ADGRL3: variants seen among roughly 807,000 people sequenced by gnomAD.
ADGRL3 encodes the protein adhesion G protein-coupled receptor L3.
In ADGRL3, 62 loss-of-function variants were observed where a neutral mutation model predicts 153.5. The observed-to-expected ratio is 0.40, with a 90% CI of 0.33 to 0.50. The LOEUF is 0.50. Ranked by LOEUF, ADGRL3 falls within the 20% of genes least tolerant of loss-of-function variation. The probability of loss-of-function intolerance (pLI) is 0.47; values close to 1 mark genes in which losing one functional copy is unlikely to be tolerated. For missense variants in ADGRL3, 1,641 were observed against 1,859.4 expected, an observed-to-expected ratio of 0.88 and a Z score of 2.16; for synonymous variants, 710 against 672.5, an observed-to-expected ratio of 1.06 and a Z score of -0.86.
chr4:61,840,510 C>A (rs2098013686), intron 9 of ADGRL3, among the ~76,000 whole-genome samples: 2 of 152,146 alleles, frequency 1.3e-5, no homozygotes. Flanking sequence ...TGAGTCTAAG[C>A]CTGAGAGCAT....
At chr4:61,670,723 T>A (rs189117393) in intron 5 of ADGRL3, among the ~76,000 whole-genome samples, 1 of 151,920 alleles carries the variant, frequency 6.6e-6, no homozygotes. Flanking sequence ...AGAAAAAGAG[T>A]CTTCTGTAGG....
chr4:61,266,102 AT>A (rs962413603), intron 1 of ADGRL3, among the ~76,000 whole-genome samples: 5 of 151,774 alleles, frequency 3.3e-5, no homozygotes, highest in African/African-American at 9.7e-5. Flanking sequence ...TACTGATTAA[AT>A]TTTTTTATAC....
At chr4:61,893,168 T>C (rs1030243566) in intron 10 of ADGRL3, among the ~76,000 whole-genome samples, 2 of 151,992 alleles carry the variant, frequency 1.3e-5, no homozygotes, top group African/African-American at 4.8e-5. Context: ...TTTCTTTTTT[T>C]TCATTACAAC....
intron 1 of ADGRL3, among the ~76,000 whole-genome samples, chr4:61,357,790 T>C (rs1429180463): frequency 6.6e-6 from 1 of 152,020 alleles, no homozygotes; most frequent in African/African-American, 2.4e-5. Context: ...AAACTGAGTA[T>C]CTGAGAAGAT....
At chr4:61,953,078 A>C (rs1045123012) in intron 17 of ADGRL3, among the ~76,000 whole-genome samples, 1 of 152,210 alleles carries the variant, frequency 6.6e-6, no homozygotes, top group Non-Finnish European at 1.5e-5. Context: ...AACAGAAAAC[A>C]AGGAGACTGA....
At chr4:61,525,386 C>G (rs1003143575) in intron 4 of ADGRL3, among the ~76,000 whole-genome samples, 3 of 151,950 alleles carry the variant, frequency 2.0e-5, no homozygotes, top group African/African-American at 7.3e-5. Flanking sequence ...CTAATTTAAC[C>G]AACAACAAGA....
intron 21 of ADGRL3, among the ~76,000 whole-genome samples, chr4:62,010,865 C>A (rs1020770824): frequency 4.6e-5 from 7 of 151,980 alleles, no homozygotes; most frequent in Non-Finnish European, 8.8e-5. Flanking sequence ...CTGTTTTTAA[C>A]TTTTTTATTC....
chr4:61,348,362 A>G (rs2095968167), intron 1 of ADGRL3, among the ~76,000 whole-genome samples: 1 of 152,000 alleles, frequency 6.6e-6, no homozygotes, highest in Non-Finnish European at 1.5e-5. Flanking sequence ...TTAAGAAAAA[A>G]ATCACAGTGT....
At chr4:61,207,727 T>C (rs141651783) in intron 1 of ADGRL3, among the ~76,000 whole-genome samples, 6,280 of 152,244 alleles carry the variant, frequency 0.041, 446 homozygotes, top group African/African-American at 0.14. Context: ...TCTGACTTTT[T>C]AATGATCACC....
Position 61,991,100 on chromosome 4 carries a change from T to A in ADGRL3, c.3237-5191T>A, listed in dbSNP as rs369731054. 3.9e-5 allele frequency among the ~76,000 whole-genome samples: 6 copies of A among 152,020 alleles called. No individual in the cohort carries two copies. In the South Asian group the frequency reaches 1.2e-3, roughly 31 times the overall value. The stretch of plus-strand genomic sequence containing the variant: ...GACATCTATGTCTAGCATAGTTAAG[T>A]ATTTATTAAATTAGACCTCTTATTA... On this transcript the variant is annotated intron_variant, in intron 19 of 26. Transcript: ENST00000683033.
At chr4:61,457,354 G>A (rs1215787766) in intron 2 of ADGRL3, among the ~76,000 whole-genome samples, 1 of 151,860 alleles carries the variant, frequency 6.6e-6, no homozygotes, top group Non-Finnish European at 1.5e-5. Context: ...TTAATGCAAT[G>A]TTATTTTAAT....
Position 61,998,251 on chromosome 4 carries a change from T to C in ADGRL3, c.3381T>C (p.Cys1127=), listed in dbSNP as rs749363474. The part of the protein sequence containing the change: ...HTAILKPESG[C]LDNINYEDNR... ...CTATACTGAAACCTGAATCAGGCTG[T>C]CTTGATAACATCAAGTAAGTGATTT... is the stretch of plus-strand genomic sequence containing the variant. The change falls in exon 21 of 27, where the codon TGT becomes TGC. Residue 1127 remains cysteine, a synonymous_variant. Coordinates refer to ENST00000683033, the MANE Select transcript of ADGRL3 (RefSeq NM_001387552.1). 3.8e-6 allele frequency: 6 copies of C among 1,562,520 alleles called. No individual in the cohort carries two copies. Among genetic ancestry groups the C allele is most frequent in the Non-Finnish European group, 4.3e-6 (5 of 1,151,816 alleles).
At chr4:61,991,282 C>T (rs189072089) in intron 19 of ADGRL3, among the ~76,000 whole-genome samples, 96 of 151,790 alleles carry the variant, frequency 6.3e-4, no homozygotes, top group Admixed American at 1.4e-3. Context: ...TTCAGGGGTA[C>T]GTGTGAAGGT....
intron 23 of ADGRL3, among the ~76,000 whole-genome samples, chr4:62,032,283 T>G (rs1722523854): frequency 6.6e-6 from 1 of 151,390 alleles, no homozygotes; most frequent in South Asian, 2.1e-4. Context: ...TATATATATA[T>G]AAATTTTCAA....
intron 1 of ADGRL3, among the ~76,000 whole-genome samples, chr4:61,372,481 A>G (rs1167017710): frequency 3.3e-5 from 5 of 152,088 alleles, no homozygotes; most frequent in Admixed American, 2.0e-4. Flanking sequence ...CTGTTGGAGT[A>G]CCCTGCAGTG....
chr4:61,403,057 T>TGACAATGA (rs375854788), intron 2 of ADGRL3, among the ~76,000 whole-genome samples: 1 of 151,526 alleles, frequency 6.6e-6, no homozygotes, highest in Non-Finnish European at 1.5e-5. Flanking sequence ...CTTTCCTCTT[T>TGACAATGA]GTGTGCACAC....
chr4:61,253,691 C>CCA (rs143396564), intron 1 of ADGRL3, among the ~76,000 whole-genome samples: 18,285 of 140,424 alleles, frequency 0.13, 1,319 homozygotes, highest in African/African-American at 0.21. Flanking sequence ...ATGTTCAGTT[C>CCA]CACACACACA....
intron 8 of ADGRL3, among the ~76,000 whole-genome samples, chr4:61,804,071 A>G (rs546950303): frequency 1.3e-5 from 2 of 152,296 alleles, no homozygotes; most frequent in African/African-American, 4.8e-5. Context: ...CACTATAGGA[A>G]GTTGTATTCT....
intron 8 of ADGRL3, among the ~76,000 whole-genome samples, chr4:61,744,092 A>T (rs1256247740): frequency 6.6e-6 from 1 of 152,164 alleles, no homozygotes; most frequent in African/African-American, 2.4e-5. Context: ...TCCTAGGCCC[A>T]TGGAGTCTCG....
Sources: allele counts gnomAD v4.1 joint callset (sites outside exome capture counted in the v4.1 genomes callset), GRCh38; gene constraint gnomAD v4.1.1; transcripts MANE v1.5; gene names NCBI Gene and HGNC (gene_info 2026-07-23, HGNC 2026-07-21).